CARMIL3: variants seen among roughly 807,000 people sequenced by gnomAD.
CARMIL3 encodes capping protein, Arp2/3 and myosin-I linker protein 3.
CARMIL3 carries 88 observed loss-of-function variants against 180.8 expected under a neutral mutation model. The observed-to-expected ratio is 0.49, with a 90% CI of 0.41 to 0.58. CARMIL3 has a LOEUF of 0.58. Ranked by LOEUF, CARMIL3 falls within the 20% of genes least tolerant of loss-of-function variation. CARMIL3 has a pLI of 0.00. For synonymous variants in CARMIL3, 696 were observed against 714.5 expected, an observed-to-expected ratio of 0.97 and a Z score of 0.41; for missense variants, 1,548 against 1,787.0, an observed-to-expected ratio of 0.87 and a Z score of 2.41.
Position 24,061,704 on chromosome 14 carries a change from C to G in CARMIL3, c.2480+32C>G, listed in dbSNP as rs746826457. 1.4e-5 allele frequency: 23 copies of G among 1,599,642 alleles called. No homozygotes were observed. Among genetic ancestry groups the G allele is most frequent in the African/African-American group, 2.7e-5 (2 of 74,652 alleles). On this transcript the variant is annotated intron_variant, in intron 27 of 39. Transcript: ENST00000342740. This position sits in a 1 kb window ranked among gnomAD's most constrained non-coding sequence, Gnocchi z 4.1. Reference sequence around the variant, plus strand: ...GGCAAAGGGCAGGGCTGGGGCTGAGCTGGATTTGGCCCAGATCACTTAGGG... The same window carrying G: ...GGCAAAGGGCAGGGCTGGGGCTGAGGTGGATTTGGCCCAGATCACTTAGGG...
rs773442340 is a variant in CARMIL3 at position 24,057,798 on chromosome 14, C to G, written c.1141-5C>G. On this transcript the variant is annotated splice_polypyrimidine_tract_variant and splice_region_variant and intron_variant, in intron 14 of 39. Coordinates refer to ENST00000342740, the MANE Select transcript of CARMIL3 (RefSeq NM_138360.4). Reference sequence around the variant, plus strand: ...CCCTGAGACCCACCATATCTCCCCCCACAGCTTCTCGGTGCCCTGCTCCAC... The same window carrying G: ...CCCTGAGACCCACCATATCTCCCCCGACAGCTTCTCGGTGCCCTGCTCCAC... 5 of 1,608,032 alleles carry G rather than the reference C, an allele frequency of 3.1e-6. No individual in the cohort carries two copies. The highest frequency in any genetic ancestry group is 2.2e-5 in the East Asian group (1 of 44,766).
At position 24,056,642 on chromosome 14, in the gene CARMIL3, C is replaced by A; in HGVS notation, c.886C>A (p.Gln296Lys). 1 of 1,613,886 alleles carries A rather than the reference C, an allele frequency of 6.2e-7. No individual in the cohort carries two copies. The highest frequency in any genetic ancestry group is 8.5e-7 in the Non-Finnish European group (1 of 1,180,022). The change falls in exon 12 of 40, where the codon CAG (glutamine) becomes AAG (lysine). Residue 296 changes from glutamine (Q) to lysine (K), a missense_variant. By Grantham distance (53) the Gln-to-Lys change is moderately conservative. Transcript: ENST00000342740. ...EDKGFLSLSQ[Q>K]LLCFPSGLTK... ...CCCAGGTTTTCTCAGTCTGAGCCAG[C>A]AGCTCCTCTGCTTCCCCTCTGGCCT...
In CARMIL3 at chr14:24,069,719, A is replaced by C. The variant is rs202107064; in HGVS notation, c.*315A>C. Reference sequence around the variant, plus strand: ...CTCCCCTCTTGTATAGAATAAAAAAACAAAATCATCGCCTGCCTCGAGTCT... The same window carrying C: ...CTCCCCTCTTGTATAGAATAAAAAACCAAAATCATCGCCTGCCTCGAGTCT... On this transcript the variant is annotated 3_prime_UTR_variant, in exon 40 of 40. Transcript: ENST00000342740. 1.0e-5 allele frequency: 4 copies of C among 387,120 alleles called. No individual in the cohort carries two copies. The East Asian group carries it at 1.7e-4, about 17-fold the overall frequency. The allele number at this position is 387,120 out of a possible 1,614,324, so 24.0% of individuals were successfully genotyped here. A position where few individuals can be genotyped will look rare whatever the true frequency, so the allele number is the denominator to read the frequency against.
Position 24,058,365 on chromosome 14 carries a change from T to A in CARMIL3, c.1392+141T>A. 1.2e-6 allele frequency: 1 copy of A among 869,034 alleles called. No individual in the cohort carries two copies. The highest frequency in any genetic ancestry group is 1.8e-6 in the Non-Finnish European group (1 of 560,538). The allele number at this position is 869,034 out of a possible 1,614,324, so 53.8% of individuals were successfully genotyped here. A position where few individuals can be genotyped will look rare whatever the true frequency, so the allele number is the denominator to read the frequency against. On this transcript the variant is annotated intron_variant, in intron 17 of 39. Transcript: ENST00000342740. This position sits in a 1 kb window ranked among gnomAD's most constrained non-coding sequence, Gnocchi z 6.4. ...CTGGCCACACCACCACTTTCCCCTC[T>A]CAGTCTGGCCTCTTTTCCAGAGGCC...
At chr14:24,062,647 C>A (rs1367992293) in intron 28 of CARMIL3, 62 bp from the exon 29 acceptor site, 1 of 1,612,760 alleles carries the variant, frequency 6.2e-7, no homozygotes, top group Admixed American at 1.7e-5. Flanking sequence ...TCACCCTCCC[C>A]TTCAAGGCCC....
Position 24,061,435 on chromosome 14 carries a change from C to A in CARMIL3, c.2305-62C>A, listed in dbSNP as rs1322966130. 6.6e-7 allele frequency: 1 copy of A among 1,523,960 alleles called. No individual in the cohort carries two copies. The highest frequency in any genetic ancestry group is 8.9e-7 in the Non-Finnish European group (1 of 1,120,272). 94.4% of individuals were successfully genotyped at this position (1,523,960 alleles called of 1,614,324 possible). On this transcript the variant is annotated intron_variant, in intron 26 of 39. Coordinates refer to ENST00000342740, the MANE Select transcript of CARMIL3 (RefSeq NM_138360.4). This position sits in a 1 kb window ranked among gnomAD's most constrained non-coding sequence, Gnocchi z 4.1. ...GCTGGAATAGATAAAGTCTCTTCTGCTGTGGTGCCAGCCCTGATCCTGTCC... is the reference window on the plus strand; with the variant it reads ...GCTGGAATAGATAAAGTCTCTTCTGATGTGGTGCCAGCCCTGATCCTGTCC...
In CARMIL3 at chr14:24,063,440, T is replaced by G. The variant is rs749023095; in HGVS notation, c.2886T>G (p.Ser962=). The G allele has an allele frequency of 6.2e-7, 1 of 1,613,898 alleles. No homozygotes were observed. The highest frequency in any genetic ancestry group is 1.1e-5 in the South Asian group (1 of 91,078). The change falls in exon 31 of 40, where the codon TCT becomes TCG. Residue 962 remains serine, a synonymous_variant. Coordinates refer to ENST00000342740, the MANE Select transcript of CARMIL3 (RefSeq NM_138360.4). Reference sequence around the variant, plus strand: ...CTAGTGGCTCCTGGGAAGGTCTATCTGAGCTGCCCACTCATGGTTACAAAC... The same window carrying G: ...CTAGTGGCTCCTGGGAAGGTCTATCGGAGCTGCCCACTCATGGTTACAAAC... The part of the protein sequence containing the change: ...PTASGSWEGL[S]ELPTHGYKLR...
At chr14:24,052,806 C>G (rs767227559) in intron 1 of CARMIL3, among the ~76,000 whole-genome samples, 4 of 152,214 alleles carry the variant, frequency 2.6e-5, no homozygotes, top group Non-Finnish European at 5.9e-5. Flanking sequence ...CTACCCACCA[C>G]CCACACATCA....
rs771218771 is a variant in CARMIL3 at position 24,054,238 on chromosome 14, C to T, written c.187-4C>T. 1.2e-6 allele frequency: 2 copies of T among 1,614,118 alleles called. No homozygotes were observed. The highest frequency in any genetic ancestry group is 8.5e-7 in the Non-Finnish European group (1 of 1,179,972). On this transcript the variant is annotated splice_region_variant and splice_polypyrimidine_tract_variant and intron_variant, in intron 3 of 39. Transcript: ENST00000342740. The surrounding 1 kb of genome is among the most constrained non-coding windows in gnomAD (Gnocchi z 5.1). Reference sequence around the variant, plus strand: ...CAGGAGCTGAGCATCTCCATCCCTCCTAGGTGGAGAGCTCCTTCAATGTCC... The same window carrying T: ...CAGGAGCTGAGCATCTCCATCCCTCTTAGGTGGAGAGCTCCTTCAATGTCC...
chr14:24,055,424 A>C (rs2035662368), intron 8 of CARMIL3, 114 bp downstream of exon 8: 1 of 1,479,418 alleles, frequency 6.8e-7, no homozygotes, highest in East Asian at 2.3e-5. Flanking sequence ...CCCCAACTCC[A>C]TCCCATCCCC....
In CARMIL3 at chr14:24,061,026, G is replaced by A; in HGVS notation, c.2290G>A (p.Asp764Asn). Residue 764 changes from aspartate to asparagine, a missense_variant, in exon 26 of 40, where the codon GAC becomes AAC. Asp to Asn is a conservative substitution (Grantham distance 23). Coordinates refer to ENST00000342740, the MANE Select transcript of CARMIL3 (RefSeq NM_138360.4). This position sits in a 1 kb window ranked among gnomAD's most constrained non-coding sequence, Gnocchi z 4.1. ...SVASEVSKAV[D>N]KELQVILESM... ...AGCAAGTGAGGTGTCCAAAGCTGTG[G>A]ACAAGGAGCTGCAGGCAAGTCCTGG... 6.4e-7 allele frequency: 1 copy of A among 1,551,652 alleles called. No homozygotes were observed. The highest frequency in any genetic ancestry group is 8.7e-7 in the Non-Finnish European group (1 of 1,146,978).
At chr14:24,060,368 T>C (rs1219577419) in intron 24 of CARMIL3, 113 bp downstream of exon 24, 6 of 1,257,446 alleles carry the variant, frequency 4.8e-6, no homozygotes, top group African/African-American at 1.5e-5. Flanking sequence ...TGCCTATCAC[T>C]GGACTGAGCA....
In CARMIL3 at chr14:24,059,948, G is replaced by C; in HGVS notation, c.1869-22G>C. 1.9e-6 allele frequency: 3 copies of C among 1,613,442 alleles called. No individual in the cohort carries two copies. The highest frequency in any genetic ancestry group is 2.5e-6 in the Non-Finnish European group (3 of 1,179,714). ...TCCCATCCTCACCTGTTCCCACCCA[G>C]CTGTGCCCCTGTGTCCCACAGCAAC... On this transcript the variant is annotated intron_variant, in intron 22 of 39. Transcript: ENST00000342740. The surrounding 1 kb of genome is among the most constrained non-coding windows in gnomAD (Gnocchi z 6.3).
rs1456230708 is a variant in CARMIL3, at chr14:24,056,405, C to T, written c.865+12C>T. On this transcript the variant is annotated intron_variant, in intron 11 of 39. Transcript: ENST00000342740. ...CATCGAGGACAAGGGTGAGCCCCAG[C>T]CCTGAATCCTGTCCCCATCCCAATG... 1 of 1,609,860 alleles carries T rather than the reference C, an allele frequency of 6.2e-7. No individual in the cohort carries two copies. Among genetic ancestry groups the T allele is most frequent in the East Asian group, 2.2e-5 (1 of 44,728 alleles).
chr14:24,056,595 G>C (rs755011703), intron 11 of CARMIL3, 27 bp from the exon 12 acceptor site: 33 of 1,611,628 alleles, frequency 2.0e-5, no homozygotes, highest in Non-Finnish European at 2.6e-5. Context: ...GCCCCTCACT[G>C]GGCCCGTTTC....
At position 24,066,542 on chromosome 14, in the gene CARMIL3, T is replaced by G. The variant is rs777742993; in HGVS notation, c.3593-25T>G. ...TTTACCTTTTCCCTTTCTCCTCTCT[T>G]TCTCATCCCCTCTCTCTACTCCAGG... On this transcript the variant is annotated intron_variant, in intron 35 of 39. Transcript: ENST00000342740. 15 of 1,613,132 alleles carry G rather than the reference T, an allele frequency of 9.3e-6. No homozygotes were observed. In the African/African-American group the frequency reaches 2.0e-4, roughly 22 times the overall value.
rs774987708 is a variant in CARMIL3 at position 24,061,597 on chromosome 14, G to A, written c.2405G>A (p.Arg802His). The A allele has an allele frequency of 2.8e-5, 45 of 1,613,860 alleles. No homozygotes were observed. Among genetic ancestry groups the A allele is most frequent in the Non-Finnish European group, 3.6e-5 (42 of 1,179,998 alleles). The change falls in exon 27 of 40, where the codon CGT (arginine) becomes CAT (histidine). Residue 802 changes from arginine (R) to histidine (H), a missense_variant. Coordinates refer to ENST00000342740, the MANE Select transcript of CARMIL3 (RefSeq NM_138360.4). This position sits in a 1 kb window ranked among gnomAD's most constrained non-coding sequence, Gnocchi z 4.1. ...HNKMLSNVAE[R>H]VTVPRNFIRG... ...AAGATGCTGAGCAATGTGGCGGAGC[G>A]TGTCACTGTGCCCCGGAACTTCATC...
In CARMIL3 at chr14:24,058,576, C is replaced by A; in HGVS notation, c.1393-104C>A. On this transcript the variant is annotated intron_variant, in intron 17 of 39. Coordinates refer to ENST00000342740, the MANE Select transcript of CARMIL3 (RefSeq NM_138360.4). This position sits in a 1 kb window ranked among gnomAD's most constrained non-coding sequence, Gnocchi z 6.4. The stretch of plus-strand genomic sequence containing the variant: ...GTCTCCCTGATTTTACACCCAGATC[C>A]TGGCATGACTTTGAGTTCTGGTGTG... 1 of 885,594 alleles carries A rather than the reference C, an allele frequency of 1.1e-6. No homozygotes were observed. Among genetic ancestry groups the A allele is most frequent in the Non-Finnish European group, 1.7e-6 (1 of 574,266 alleles). The allele number at this position is 885,594 out of a possible 1,614,324, so 54.9% of individuals were successfully genotyped here.
Position 24,061,135 on chromosome 14 carries a change from A to AT in CARMIL3, c.2304+95_2304+96insT. 9.2e-7 allele frequency: 1 copy of AT among 1,092,766 alleles called. No homozygotes were observed. The highest frequency in any genetic ancestry group is 1.3e-6 in the Non-Finnish European group (1 of 747,948). The allele number at this position is 1,092,766 out of a possible 1,614,324, so 67.7% of individuals were successfully genotyped here. On this transcript the variant is annotated intron_variant, in intron 26 of 39. Transcript: ENST00000342740. The surrounding 1 kb of genome is among the most constrained non-coding windows in gnomAD (Gnocchi z 4.1). ...AAAGTCAGAGCTGGGAGACTTCTGG[A>AT]GGGCCAGGAGGACATGCAGAGTTGA...
Sources: gnomAD v4.1 joint callset for allele counts (sites outside exome capture counted in the v4.1 genomes callset) on GRCh38, gnomAD v4.1.1 for gene constraint, Gnocchi (gnomAD v3.1) non-coding constraint, MANE v1.5 for transcripts, NCBI Gene and HGNC (gene_info 2026-07-23, HGNC 2026-07-21) for gene names.